CCDC80: variants seen among roughly 807,000 people sequenced by gnomAD.
CCDC80 encodes the protein coiled-coil domain containing 80, also known as coiled-coil domain-containing protein 80.
A neutral mutation model predicts 78.7 loss-of-function variants in CCDC80; 49 were observed. The observed-to-expected ratio is 0.62, with a 90% CI of 0.50 to 0.79. The LOEUF (loss-of-function observed/expected upper bound fraction) is 0.79. Among genes scored for constraint, CCDC80 ranks in the 30% least tolerant of loss-of-function variants. The probability of loss-of-function intolerance (pLI) is 0.00; values close to 1 mark genes in which losing one functional copy is unlikely to be tolerated. For synonymous variants in CCDC80, 488 were observed against 447.0 expected (o/e 1.09, Z -1.16); for missense variants, 1,205 against 1,198.6 (o/e 1.01, Z -0.08).
chr3:112,610,388 C>A (rs1198643380), intron 5 of CCDC80: 2 of 389,994 alleles, frequency 5.1e-6, no homozygotes, highest in African/African-American at 4.1e-5. Context: ...GCAATGAAGA[C>A]AGGCCAAAAT....
Position 112,600,003 on chromosome 3 carries a change from T to G in CCDC80, c.*5414A>C, listed in dbSNP as rs994079042. 6.6e-6 allele frequency: 1 copy of G among 152,248 alleles called. No individual in the cohort carries two copies. Among genetic ancestry groups the G allele is most frequent in the East Asian group, 1.9e-4 (1 of 5,198 alleles). 9.4% of individuals were successfully genotyped at this position (152,248 alleles called of 1,614,324 possible). On this transcript the variant is annotated 3_prime_UTR_variant, in exon 8 of 8. Transcript: ENST00000206423. ...TCTCAAAAATTATAAAACTGTATTT[T>G]ATTTTTCTCATTTATTTGGGAGTTT... is the stretch of plus-strand genomic sequence containing the variant.
At chr3:112,625,868 T>C (rs1559879163) in intron 3 of CCDC80, among the ~76,000 whole-genome samples, 1 of 152,138 alleles carries the variant, frequency 6.6e-6, no homozygotes, top group Non-Finnish European at 1.5e-5. Context: ...AAGTATTTCT[T>C]TGAAAAATTA....
At chr3:112,615,866 A>T (rs536352356) in intron 5 of CCDC80, among the ~76,000 whole-genome samples, 1 of 152,334 alleles carries the variant, frequency 6.6e-6, no homozygotes, top group East Asian at 1.9e-4. Flanking sequence ...GGAGAGGCAC[A>T]AACAATCCAC....
intron 2 of CCDC80, 122 bp from the exon 3 acceptor site, chr3:112,630,391 C>G: frequency 1.1e-6 from 1 of 951,306 alleles, no homozygotes; most frequent in Non-Finnish European, 1.6e-6. Flanking sequence ...TACAAATGTT[C>G]TGCTGAACAG....
intron 5 of CCDC80, among the ~76,000 whole-genome samples, chr3:112,616,365 C>G (rs1377785456): frequency 6.8e-6 from 1 of 146,864 alleles, no homozygotes; most frequent in Non-Finnish European, 1.5e-5. Flanking sequence ...CAGAGATCTC[C>G]AGATTTACTG....
rs1559872363 is a variant in CCDC80, at chr3:112,601,692, AAAAAG to A, written c.*3720_*3724del. 8.9e-3 allele frequency: 262 copies of A among 29,518 alleles called. 24 individuals carry two copies. The highest frequency in any genetic ancestry group is 0.02 in the African/African-American group (248 of 12,564). The allele number at this position is 29,518 out of a possible 1,614,324, so 1.8% of individuals were successfully genotyped here. A position where few individuals can be genotyped will look rare whatever the true frequency, so the allele number is the denominator to read the frequency against. ...AGACCCTCTCCAAAAAAAGAAAAAA[AAAAAG>A]AGAAAAAAAAGAAGCAGCAGCAACG... On this transcript the variant is annotated 3_prime_UTR_variant, in exon 8 of 8. Transcript: ENST00000206423.
At chr3:112,605,859 G>T in intron 7 of CCDC80, 96 bp from the exon 8 acceptor site, 1 of 983,066 alleles carries the variant, frequency 1.0e-6, no homozygotes, top group Non-Finnish European at 1.5e-6. Flanking sequence ...GAATAGGGAG[G>T]ACCCATGAGC....
At chr3:112,623,077 C>T (rs1294404347) in intron 3 of CCDC80, among the ~76,000 whole-genome samples, 1 of 152,088 alleles carries the variant, frequency 6.6e-6, no homozygotes, top group Non-Finnish European at 1.5e-5. Flanking sequence ...GGATTTGGAC[C>T]TAAGATTATT....
rs1935534138 is a variant in CCDC80, at chr3:112,607,338, T to TA, written c.2426-83dup. The TA allele has an allele frequency of 3.1e-6, 3 of 957,778 alleles. No individual in the cohort carries two copies. In the South Asian group the frequency reaches 4.9e-5, roughly 16 times the overall value. The allele number at this position is 957,778 out of a possible 1,614,324, so 59.3% of individuals were successfully genotyped here. ...CTTCAAAGCCCTGATATCTGACAAT[T>TA]AAAAATCTCTTAAATTTAAAAAGAA... is the stretch of plus-strand genomic sequence containing the variant. On this transcript the variant is annotated intron_variant, in intron 6 of 7. Coordinates refer to ENST00000206423, the MANE Select transcript of CCDC80 (RefSeq NM_199511.3).
Position 112,604,518 on chromosome 3 carries a change from A to G in CCDC80, c.*899T>C, listed in dbSNP as rs149168955. The G allele has an allele frequency of 3.3e-5, 5 of 152,334 alleles. No homozygotes were observed. In the East Asian group the frequency reaches 9.6e-4, roughly 29 times the overall value. 9.4% of individuals were successfully genotyped at this position (152,334 alleles called of 1,614,324 possible). A position where few individuals can be genotyped will look rare whatever the true frequency, so the allele number is the denominator to read the frequency against. Reference sequence around the variant, plus strand: ...TATTATACACTTAATAGACTACTAAAGAGTGTAAACATAACTTTTATATGC... The same window carrying G: ...TATTATACACTTAATAGACTACTAAGGAGTGTAAACATAACTTTTATATGC... On this transcript the variant is annotated 3_prime_UTR_variant, in exon 8 of 8. Transcript: ENST00000206423.
Position 112,605,745 on chromosome 3 carries a change from C to G in CCDC80, c.2525G>C (p.Arg842Pro). 6.2e-7 allele frequency: 1 copy of G among 1,613,762 alleles called. No individual in the cohort carries two copies. Among genetic ancestry groups the G allele is most frequent in the Non-Finnish European group, 8.5e-7 (1 of 1,179,744 alleles). ...FPINGSSVVEREDVPAHLVKD... is the reference protein window; with the variant it reads ...FPINGSSVVEPEDVPAHLVKD... The stretch of plus-strand genomic sequence containing the variant: ...CACCAAATGGGCTGGTACGTCTTCT[C>G]GCTCAACAACAGAGCTCCCTAGAAT... Residue 842 changes from arginine (R) to proline (P), a missense_variant, in exon 8 of 8, where the codon CGA becomes CCA. Coordinates refer to ENST00000206423, the MANE Select transcript of CCDC80 (RefSeq NM_199511.3).
Position 112,633,582 on chromosome 3 carries a change from AGAG to A in CCDC80, c.1879-3316_1879-3314del, listed in dbSNP as rs568548475. Among the ~76,000 whole-genome samples the A allele has an allele frequency of 3.9e-5, 6 of 152,288 alleles. No homozygotes were observed. The East Asian group carries it at 1.2e-3, about 29-fold the overall frequency. ...TCCGGTTATATAGATCACCCTAGTC[AGAG>A]GAGAGGAGAGGGACTCAGGAATAAA... On this transcript the variant is annotated intron_variant, in intron 2 of 7. Coordinates refer to ENST00000206423, the MANE Select transcript of CCDC80 (RefSeq NM_199511.3).
rs1935462892 is a variant in CCDC80, at chr3:112,605,457, T to C, written c.2813A>G (p.Tyr938Cys). The C allele has an allele frequency of 6.2e-7, 1 of 1,613,862 alleles. No homozygotes were observed. The highest frequency in any genetic ancestry group is 1.1e-5 in the South Asian group (1 of 91,058). Reference protein sequence around the residue: ...QGYQDGYQDDYRHHESYHHGY... With the variant: ...QGYQDGYQDDCRHHESYHHGY... Reference sequence around the variant, plus strand: ...ATGGTGATAACTCTCATGATGACGGTAGTCATCCTGGTAACCATCCTGGTA... The same window carrying C: ...ATGGTGATAACTCTCATGATGACGGCAGTCATCCTGGTAACCATCCTGGTA... Residue 938 changes from tyrosine to cysteine, a missense_variant, in exon 8 of 8, where the codon TAC (tyrosine) becomes TGC (cysteine). Tyr to Cys is a radical substitution (Grantham distance 194). Coordinates refer to ENST00000206423, the MANE Select transcript of CCDC80 (RefSeq NM_199511.3).
In CCDC80 at chr3:112,638,849, GGGT is replaced by G. The variant is rs763734561; in HGVS notation, c.1054_1056del (p.Thr352del). 548 of 1,613,780 alleles carry G rather than the reference GGGT, an allele frequency of 3.4e-4. 1 individual carries two copies. The highest frequency in any genetic ancestry group is 9.9e-4 in the Middle Eastern group (6 of 6,062). ...ACTGTTGTGGCTGGGGCAGGAGGAA[GGGT>G]GGTGGCTCTGGGGGTTGAGGGAGGT... On this transcript the variant is annotated inframe_deletion, in exon 2 of 8. Transcript: ENST00000206423.
At chr3:112,619,578 C>A (rs923453077) in intron 3 of CCDC80, among the ~76,000 whole-genome samples, 4 of 152,164 alleles carry the variant, frequency 2.6e-5, no homozygotes, top group African/African-American at 9.7e-5. Flanking sequence ...GTAAGCATGT[C>A]ATATCTATAG....
In CCDC80 at chr3:112,603,955, A is replaced by G. The variant is rs1935421170; in HGVS notation, c.*1462T>C. On this transcript the variant is annotated 3_prime_UTR_variant, in exon 8 of 8. Transcript: ENST00000206423. ...AAGAGGCCCAAGACTTCATTGGAGG[A>G]AGCTCTGCTATAGACATAGTGGAAA... The G allele has an allele frequency of 6.6e-6, 1 of 152,224 alleles. No individual in the cohort carries two copies. The highest frequency in any genetic ancestry group is 2.4e-5 in the African/African-American group (1 of 41,450). 9.4% of individuals were successfully genotyped at this position (152,224 alleles called of 1,614,324 possible).
intron 4 of CCDC80, among the ~76,000 whole-genome samples, chr3:112,617,978 T>C (rs28606423): frequency 0.68 from 102,719 of 152,172 alleles, 37,980 homozygotes; most frequent in Non-Finnish European, 0.83. Flanking sequence ...TCAACACTAA[T>C]TGCATGATGA....
intron 3 of CCDC80, among the ~76,000 whole-genome samples, chr3:112,626,534 T>G (rs1329778208): frequency 6.6e-6 from 1 of 152,134 alleles, no homozygotes; most frequent in Non-Finnish European, 1.5e-5. Flanking sequence ...TCTCATTTTG[T>G]TTATTTATTG....
At position 112,639,814 on chromosome 3, in the gene CCDC80, C is replaced by A. The variant is rs1936306393; in HGVS notation, c.92G>T (p.Gly31Val). The change falls in exon 2 of 8, where the codon GGC becomes GTC. Residue 31 changes from glycine (G) to valine (V), a missense_variant. Physicochemically the swap from Gly to Val is moderately radical, Grantham distance 109. Transcript: ENST00000206423. Reference sequence around the variant, plus strand: ...AGGCACTTTCCGTCCTCCGTGGCTGCCTCTAATAGTGGCATGGGGGTGGGG... The same window carrying A: ...AGGCACTTTCCGTCCTCCGTGGCTGACTCTAATAGTGGCATGGGGGTGGGG... ...SEPHPHATIR[G>V]SHGGRKVPLV... The A allele has an allele frequency of 1.2e-6, 2 of 1,614,168 alleles. No individual in the cohort carries two copies. The highest frequency in any genetic ancestry group is 2.2e-5 in the East Asian group (1 of 44,886).
Sources: gnomAD v4.1 joint callset for allele counts (sites outside exome capture counted in the v4.1 genomes callset) on GRCh38, gnomAD v4.1.1 for gene constraint, MANE v1.5 for transcripts, NCBI Gene and HGNC (gene_info 2026-07-23, HGNC 2026-07-21) for gene names.